Variants in GLRB observed in about 807,000 individuals in gnomAD.
GLRB encodes the protein glycine receptor beta, also known as glycine receptor subunit beta.
In GLRB, 33 loss-of-function variants were observed where a neutral mutation model predicts 54.2. That is an observed-to-expected ratio of 0.61 (90% CI 0.46 to 0.81). The LOEUF (loss-of-function observed/expected upper bound fraction) is 0.81. Among genes scored for constraint, GLRB ranks in the 40% least tolerant of loss-of-function variants. GLRB has a pLI of 0.00. For synonymous variants in GLRB, 209 were observed against 208.2 expected, an observed-to-expected ratio of 1.00 and a Z score of -0.03; for missense variants, 572 against 584.6, an observed-to-expected ratio of 0.98 and a Z score of 0.22.
At chr4:157,107,340 A>G (rs1735263056) in intron 2 of GLRB, among the ~76,000 whole-genome samples, 1 of 152,172 alleles carries the variant, frequency 6.6e-6, no homozygotes, top group Non-Finnish European at 1.5e-5. Flanking sequence ...AGGTATGTCA[A>G]AAGCCAAAAC....
chr4:157,116,017 A>G (rs1349549056), intron 2 of GLRB, among the ~76,000 whole-genome samples: 1 of 151,848 alleles, frequency 6.6e-6, no homozygotes, highest in Non-Finnish European at 1.5e-5. Flanking sequence ...CTGTTTTGAA[A>G]TGAAACTGTG....
At chr4:157,108,318 C>T (rs1324639040) in intron 2 of GLRB, among the ~76,000 whole-genome samples, 2 of 151,976 alleles carry the variant, frequency 1.3e-5, no homozygotes, top group Non-Finnish European at 2.9e-5. Context: ...TGGATCTGGG[C>T]CAAATACATT....
chr4:157,144,774 G>A (rs1273440123), intron 8 of GLRB, among the ~76,000 whole-genome samples: 4 of 152,070 alleles, frequency 2.6e-5, no homozygotes, highest in Non-Finnish European at 4.4e-5. Context: ...TTCTTCCATC[G>A]AAAAGGCCTT....
At chr4:157,164,870 A>C (rs2126629214) in intron 9 of GLRB, among the ~76,000 whole-genome samples, 1 of 152,258 alleles carries the variant, frequency 6.6e-6, no homozygotes, top group South Asian at 2.1e-4. Flanking sequence ...AAAGCATTAA[A>C]ATTAAAACTA....
At chr4:157,131,320 T>A (rs774149782) in intron 4 of GLRB, among the ~76,000 whole-genome samples, 1 of 151,734 alleles carries the variant, frequency 6.6e-6, no homozygotes, top group Non-Finnish European at 1.5e-5. Context: ...AAGAGTAGAC[T>A]CGATGTAGAC....
chr4:157,124,412 C>T (rs1021163563), intron 4 of GLRB, among the ~76,000 whole-genome samples: 2 of 151,546 alleles, frequency 1.3e-5, no homozygotes, highest in African/African-American at 4.8e-5. Context: ...TGTGTGTATT[C>T]CTTTTATTCT....
intron 9 of GLRB, among the ~76,000 whole-genome samples, chr4:157,163,467 C>CT (rs1737591811): frequency 6.6e-6 from 1 of 152,170 alleles, no homozygotes; most frequent in South Asian, 2.1e-4. Flanking sequence ...TCATCACAGC[C>CT]TTTTTAAAGT....
chr4:157,122,238 T>C (rs1287743357), intron 3 of GLRB, 92 bp from the exon 4 acceptor site: 6 of 576,060 alleles, frequency 1.0e-5, no homozygotes, highest in Non-Finnish European at 1.9e-5. Flanking sequence ...TTGGAAAAAA[T>C]ATAATAATTA....
At chr4:157,089,325 G>C (rs1180796332) in intron 2 of GLRB, among the ~76,000 whole-genome samples, 1 of 152,184 alleles carries the variant, frequency 6.6e-6, no homozygotes, top group Non-Finnish European at 1.5e-5. Context: ...CCTGAGTCCA[G>C]GAGGACAAGG....
At chr4:157,076,460 C>A (rs1194981883) in intron 1 of GLRB, 163 bp downstream of exon 1, 2 of 144,108 alleles carry the variant, frequency 1.4e-5, no homozygotes, top group African/African-American at 5.5e-5. Context: ...CGCTGCCCTG[C>A]GCGGGAGAGG....
intron 2 of GLRB, among the ~76,000 whole-genome samples, chr4:157,086,193 G>C (rs1435486047): frequency 6.6e-6 from 1 of 152,114 alleles, no homozygotes; most frequent in East Asian, 1.9e-4. Flanking sequence ...TATTATGTAT[G>C]CTTGGACATG....
intron 9 of GLRB, among the ~76,000 whole-genome samples, chr4:157,165,467 T>C (rs1737670459): frequency 6.6e-6 from 1 of 151,912 alleles, no homozygotes; most frequent in African/African-American, 2.4e-5. Context: ...TTGTAGGAAA[T>C]GTTTGAAGCT....
intron 8 of GLRB, among the ~76,000 whole-genome samples, chr4:157,147,699 A>G (rs577901805): frequency 6.6e-6 from 1 of 152,276 alleles, no homozygotes; most frequent in East Asian, 1.9e-4. Flanking sequence ...TGAGAAAGGA[A>G]GAGGGGATGA....
intron 4 of GLRB, among the ~76,000 whole-genome samples, chr4:157,135,344 G>A: frequency 6.6e-6 from 1 of 152,076 alleles, no homozygotes; most frequent in Non-Finnish European, 1.5e-5. Flanking sequence ...GCACCTAAAG[G>A]TGGTGATATG....
intron 2 of GLRB, among the ~76,000 whole-genome samples, chr4:157,097,190 T>C (rs567236355): frequency 3.9e-5 from 6 of 152,246 alleles, no homozygotes; most frequent in Non-Finnish European, 8.8e-5. Context: ...TTGATAATTT[T>C]CAACTGGTTT....
intron 2 of GLRB, among the ~76,000 whole-genome samples, chr4:157,118,466 G>GA (rs1229308221): frequency 6.6e-6 from 1 of 151,504 alleles, no homozygotes; most frequent in Non-Finnish European, 1.5e-5. Context: ...CAATTAATTG[G>GA]AAAATCTAAT....
intron 2 of GLRB, among the ~76,000 whole-genome samples, chr4:157,098,676 C>A (rs1337533370): frequency 6.6e-6 from 1 of 151,934 alleles, no homozygotes; most frequent in East Asian, 1.9e-4. Flanking sequence ...GGCATGATCT[C>A]GGCTCAGCAA....
intron 9 of GLRB, among the ~76,000 whole-genome samples, chr4:157,159,690 A>T (rs1299106451): frequency 1.3e-5 from 2 of 152,140 alleles, no homozygotes; most frequent in Non-Finnish European, 2.9e-5. Context: ...GGCCAATGTG[A>T]TCATGGTGGA....
chr4:157,076,314 C>T lies in GLRB; in HGVS notation c.-30+17C>T, dbSNP rs1734027385. On this transcript the variant is annotated intron_variant, in intron 1 of 9. Transcript: ENST00000264428. ...CGCCTCCGGGTAAGTGCCAGGAGCT[C>T]CACTTAGGAGGAGGGGACGCGGGTT... 1.3e-5 allele frequency: 2 copies of T among 151,618 alleles called. No individual in the cohort carries two copies. The highest frequency in any genetic ancestry group is 1.9e-4 in the East Asian group (1 of 5,172). 9.4% of individuals were successfully genotyped at this position (151,618 alleles called of 1,614,324 possible). A position where few individuals can be genotyped will look rare whatever the true frequency, so the allele number is the denominator to read the frequency against.
Sources: allele counts gnomAD v4.1 joint callset (sites outside exome capture counted in the v4.1 genomes callset), GRCh38; gene constraint gnomAD v4.1.1; transcripts MANE v1.5; gene names NCBI Gene and HGNC (gene_info 2026-07-23, HGNC 2026-07-21).